COQ5: variants seen among roughly 807,000 people sequenced by gnomAD.
The protein encoded by COQ5 is coenzyme Q5, methyltransferase.
A neutral mutation model predicts 40.5 loss-of-function variants in COQ5; 27 were observed. The ratio of observed to expected loss-of-function variants is 0.67; its 90% CI spans 0.49 to 0.92. The LOEUF (loss-of-function observed/expected upper bound fraction) is 0.92. COQ5 is among the 40% of genes least tolerant of loss of function. The pLI is 0.00. For synonymous variants in COQ5, 141 were observed against 150.0 expected, an observed-to-expected ratio of 0.94 and a Z score of 0.44; for missense variants, 409 against 406.4, an observed-to-expected ratio of 1.01 and a Z score of -0.06.
At chr12:120,524,813 CTT>C (rs60750755) in intron 1 of COQ5, among the ~76,000 whole-genome samples, 1 of 146,450 alleles carries the variant, frequency 6.8e-6, no homozygotes, top group African/African-American at 2.5e-5. Context: ...GCGCTCTTTC[CTT>C]TTTTTTTTTT....
chr12:120,516,609 T>C lies in COQ5; in HGVS notation c.532A>G (p.Lys178Glu). ...VVCDINKEML[K>E]VGKQKALAQG... ...GCCAAGGCTTTCTGCTTTCCAACCTTTAGCATCTCCTTGTTGATGTCACAC... is the reference window on the plus strand; with the variant it reads ...GCCAAGGCTTTCTGCTTTCCAACCTCTAGCATCTCCTTGTTGATGTCACAC... The change falls in exon 3 of 7, where the codon AAG becomes GAG. Residue 178 changes from lysine to glutamate, a missense_variant. Lys to Glu is a moderately conservative substitution (Grantham distance 56, BLOSUM62 1). Coordinates refer to ENST00000288532, the MANE Select transcript of COQ5 (RefSeq NM_032314.4). The C allele has an allele frequency of 6.2e-7, 1 of 1,614,196 alleles. No homozygotes were observed. Among genetic ancestry groups the C allele is most frequent in the Non-Finnish European group, 8.5e-7 (1 of 1,180,032 alleles).
At chr12:120,520,955 C>T (rs886273973) in intron 2 of COQ5, among the ~76,000 whole-genome samples, 1 of 151,760 alleles carries the variant, frequency 6.6e-6, no homozygotes, top group Admixed American at 6.6e-5. Flanking sequence ...TTCTCTCATC[C>T]CCTAAAAAAG....
At chr12:120,511,893 A>G (rs1869150597) in intron 3 of COQ5, among the ~76,000 whole-genome samples, 1 of 152,218 alleles carries the variant, frequency 6.6e-6, no homozygotes, top group African/African-American at 2.4e-5. Flanking sequence ...ATCATGAAAC[A>G]TCCATATGGA....
intron 4 of COQ5, among the ~76,000 whole-genome samples, chr12:120,508,036 G>A (rs554109670): frequency 2.0e-5 from 3 of 151,854 alleles, no homozygotes; most frequent in South Asian, 2.1e-4. Flanking sequence ...TCACTCTGTC[G>A]CCCAGGCGGA....
intron 3 of COQ5, among the ~76,000 whole-genome samples, chr12:120,516,145 T>C: frequency 6.6e-6 from 1 of 152,140 alleles, no homozygotes; most frequent in East Asian, 1.9e-4. Flanking sequence ...CAAACTATCC[T>C]AGTATGGACA....
chr12:120,526,547 C>T, intron 1 of COQ5: 1 of 443,948 alleles, frequency 2.3e-6, no homozygotes, highest in Non-Finnish European at 4.5e-6. Flanking sequence ...TAAAGGAGTT[C>T]TTGGAGGTAT....
At position 120,508,919 on chromosome 12, in the gene COQ5, G is replaced by A. The variant is rs554024742; in HGVS notation, c.681+1098C>T. 7.2e-5 allele frequency among the ~76,000 whole-genome samples: 11 copies of A among 152,072 alleles called. No individual in the cohort carries two copies. In the South Asian group the frequency reaches 1.0e-3, roughly 14 times the overall value. ...ACACGCCTGTAGTCCCAGCTACTCC[G>A]GAGGCTGACGCAGGAGAATTGCTTG... On this transcript the variant is annotated intron_variant, in intron 4 of 6. Coordinates refer to ENST00000288532, the MANE Select transcript of COQ5 (RefSeq NM_032314.4).
At chr12:120,510,149 C>T in intron 3 of COQ5, 26 bp from the exon 4 acceptor site, 3 of 1,554,322 alleles carry the variant, frequency 1.9e-6, no homozygotes, top group Non-Finnish European at 2.7e-6. Flanking sequence ...AGTTCCGGGT[C>T]TCAGTGTGGG....
At chr12:120,508,043 C>A (rs1001642648) in intron 4 of COQ5, among the ~76,000 whole-genome samples, 1 of 151,866 alleles carries the variant, frequency 6.6e-6, no homozygotes, top group Non-Finnish European at 1.5e-5. Context: ...GTCGCCCAGG[C>A]GGAGTGCAGT....
At chr12:120,527,633 C>G (rs1465662397) in intron 1 of COQ5, among the ~76,000 whole-genome samples, 1 of 152,040 alleles carries the variant, frequency 6.6e-6, no homozygotes, top group Non-Finnish European at 1.5e-5. Flanking sequence ...TTAACTTCTT[C>G]CTTGCTTGCC....
chr12:120,517,700 A>AT (rs1869444556), intron 2 of COQ5, among the ~76,000 whole-genome samples: 1 of 151,702 alleles, frequency 6.6e-6, no homozygotes, highest in African/African-American at 2.4e-5. Context: ...AAACCAAATC[A>AT]AGTGTTTATA....
intron 3 of COQ5, among the ~76,000 whole-genome samples, chr12:120,511,118 G>A (rs113747511): frequency 0.031 from 4,720 of 151,980 alleles, 240 homozygotes; most frequent in African/African-American, 0.11. Flanking sequence ...TTAGCCGGGC[G>A]TGGTGGCATG....
At chr12:120,507,609 C>T (rs1868938922) in intron 4 of COQ5, among the ~76,000 whole-genome samples, 2 of 148,794 alleles carry the variant, frequency 1.3e-5, no homozygotes. Flanking sequence ...TAAAAAGTGC[C>T]AGGTGCAGTG....
intron 4 of COQ5, among the ~76,000 whole-genome samples, chr12:120,508,896 A>G (rs1185179882): frequency 2.0e-5 from 3 of 152,034 alleles, no homozygotes; most frequent in South Asian, 2.1e-4. Context: ...GTGGTGGCAC[A>G]CGCCTGTAGT....
intron 3 of COQ5, among the ~76,000 whole-genome samples, chr12:120,510,717 C>T (rs1256068339): frequency 1.3e-5 from 2 of 152,112 alleles, no homozygotes; most frequent in Non-Finnish European, 2.9e-5. Flanking sequence ...AACTGAGTTA[C>T]TCTAAGTACA....
chr12:120,510,198 A>G, intron 3 of COQ5, 75 bp from the exon 4 acceptor site: 1 of 1,188,324 alleles, frequency 8.4e-7, no homozygotes, highest in Non-Finnish European at 1.3e-6. Context: ...CATTTCATGT[A>G]GAGCATTGAG....
intron 2 of COQ5, among the ~76,000 whole-genome samples, chr12:120,518,426 CAAA>C (rs1216184668): frequency 4.2e-5 from 3 of 71,468 alleles, no homozygotes; most frequent in Non-Finnish European, 5.2e-5. Context: ...AGACCGTTTC[CAAA>C]AAAAAAAAAA....
At chr12:120,508,882 G>T (rs1166144492) in intron 4 of COQ5, among the ~76,000 whole-genome samples, 1 of 151,808 alleles carries the variant, frequency 6.6e-6, no homozygotes, top group Non-Finnish European at 1.5e-5. Context: ...AAAATTAGCT[G>T]GGCGTGGTGG....
chr12:120,518,853 T>A (rs1869513910), intron 2 of COQ5, among the ~76,000 whole-genome samples: 1 of 152,226 alleles, frequency 6.6e-6, no homozygotes, highest in African/African-American at 2.4e-5. Context: ...TGAGCCAACG[T>A]GCTCGGCCAT....
Sources: gnomAD v4.1 joint callset for allele counts (sites outside exome capture counted in the v4.1 genomes callset) on GRCh38, gnomAD v4.1.1 for gene constraint, MANE v1.5 for transcripts, NCBI Gene and HGNC (gene_info 2026-07-23, HGNC 2026-07-21) for gene names.